DDX60: variants seen among roughly 807,000 people sequenced by gnomAD.
The protein encoded by DDX60 is DExD/H-box helicase 60, also known as probable ATP-dependent RNA helicase DDX60.
In DDX60, 165 loss-of-function variants were observed where a neutral mutation model predicts 212.8. That is an observed-to-expected ratio of 0.78 (90% CI 0.68 to 0.88). DDX60 has a LOEUF of 0.88. Among genes scored for constraint, DDX60 ranks in the 40% least tolerant of loss-of-function variants. DDX60 has a pLI of 0.00. For missense variants in DDX60, 1,905 were observed against 2,003.9 expected (o/e 0.95, Z 0.94); for synonymous variants, 703 against 685.3 (o/e 1.03, Z -0.40).
intron 17 of DDX60, 60 bp from the exon 18 acceptor site, chr4:168,273,458 GACA>G (rs1006954900): frequency 1.3e-6 from 2 of 1,599,312 alleles, no homozygotes; most frequent in African/African-American, 2.7e-5. Context: ...AATATCAGAG[GACA>G]ACAAGAACTG....
At chr4:168,315,110 T>C (rs949486847) in intron 1 of DDX60, among the ~76,000 whole-genome samples, 8 of 152,200 alleles carry the variant, frequency 5.3e-5, no homozygotes, top group African/African-American at 1.9e-4. Context: ...GTATTTACCA[T>C]CTCTGAGTTT....
At chr4:168,265,722 C>T (rs1201543360) in intron 22 of DDX60, 1 of 151,766 alleles carries the variant, frequency 6.6e-6, no homozygotes, top group Non-Finnish European at 1.5e-5. Flanking sequence ...CCATCCTACA[C>T]AGAATAATTT....
At chr4:168,248,316 C>A in intron 28 of DDX60, 24 bp from the exon 29 acceptor site, 3 of 1,515,328 alleles carry the variant, frequency 2.0e-6, no homozygotes, top group Non-Finnish European at 2.7e-6. Flanking sequence ...AAAACAATTA[C>A]TTCATAAAAT....
At position 168,311,369 on chromosome 4, in the gene DDX60, CA is replaced by C. The variant is rs1345882829; in HGVS notation, c.-106-5del. 10 of 1,142,132 alleles carry C rather than the reference CA, an allele frequency of 8.8e-6. No homozygotes were observed. The highest frequency in any genetic ancestry group is 4.8e-5 in the East Asian group (2 of 41,472). 70.7% of individuals were successfully genotyped at this position (1,142,132 alleles called of 1,614,324 possible). ...GTTCTTAATGAAAATGGCAGTCCTG[CA>C]AAAAAAGAAAAGAAAATGAGTCTTT... is the stretch of plus-strand genomic sequence containing the variant. On this transcript the variant is annotated splice_region_variant and splice_polypyrimidine_tract_variant and intron_variant, in intron 1 of 37. Coordinates refer to ENST00000393743, the MANE Select transcript of DDX60 (RefSeq NM_017631.6).
chr4:168,250,247 A>C (rs888916129), intron 28 of DDX60, among the ~76,000 whole-genome samples: 1 of 152,138 alleles, frequency 6.6e-6, no homozygotes, highest in South Asian at 2.1e-4. Flanking sequence ...TCTCATGAAA[A>C]AGAGATAAAC....
At position 168,311,026 on chromosome 4, in the gene DDX60, A is replaced by T. The variant is rs776545517; in HGVS notation, c.46T>A (p.Leu16Ile). ...LTTFSQEMSQLILNEMPKAEY... is the reference protein window; with the variant it reads ...LTTFSQEMSQIILNEMPKAEY... ...GCTTTTGGCATTTCATTCAAAATTA[A>T]CTGGGACATTTCCTGTGAAAATGTT... Residue 16 changes from leucine (L) to isoleucine (I), a missense_variant, in exon 3 of 38, where the codon TTA becomes ATA. Leu to Ile is a conservative substitution (Grantham distance 5, BLOSUM62 2). Coordinates refer to ENST00000393743, the MANE Select transcript of DDX60 (RefSeq NM_017631.6). The T allele has an allele frequency of 2.3e-5, 36 of 1,580,646 alleles. No homozygotes were observed. The Middle Eastern group carries it at 1.8e-3, about 81-fold the overall frequency.
intron 22 of DDX60, chr4:168,265,458 C>A (rs1037123850): frequency 6.6e-6 from 1 of 152,152 alleles, no homozygotes; most frequent in East Asian, 1.9e-4. Context: ...AACGGACTTA[C>A]TAATACCTAA....
In DDX60 at chr4:168,288,192, C is replaced by T. The variant is rs1735941952; in HGVS notation, c.1165G>A (p.Glu389Lys). Reference protein sequence around the residue: ...LLLKNIAFYYENENVKGLHLN... With the variant: ...LLLKNIAFYYKNENVKGLHLN... ...ATGGTACCTTTTACATTTTCATTTT[C>T]ATAGTAAAAAGCAATATTCTTCAAC... Residue 389 changes from glutamate (E) to lysine (K), a missense_variant, in exon 9 of 38, where the codon GAA (glutamate) becomes AAA (lysine). Coordinates refer to ENST00000393743, the MANE Select transcript of DDX60 (RefSeq NM_017631.6). The T allele has an allele frequency of 6.7e-7, 1 of 1,486,388 alleles. No individual in the cohort carries two copies. Among genetic ancestry groups the T allele is most frequent in the Non-Finnish European group, 9.1e-7 (1 of 1,094,112 alleles). 92.1% of individuals were successfully genotyped at this position (1,486,388 alleles called of 1,614,324 possible).
chr4:168,258,689 T>C (rs1286200486), intron 25 of DDX60, among the ~76,000 whole-genome samples: 1 of 152,190 alleles, frequency 6.6e-6, no homozygotes, highest in African/African-American at 2.4e-5. Flanking sequence ...TTTTAAAATA[T>C]TTTAAGTATG....
intron 26 of DDX60, 60 bp downstream of exon 26, chr4:168,255,651 A>G: frequency 1.4e-6 from 2 of 1,386,334 alleles, no homozygotes; most frequent in Non-Finnish European, 1.9e-6. Context: ...TACGTTTCCT[A>G]CTAGGACTTG....
chr4:168,265,740 C>G (rs540610087), intron 22 of DDX60: 3 of 150,556 alleles, frequency 2.0e-5, no homozygotes, highest in African/African-American at 7.3e-5. Flanking sequence ...TTTTTAAAAA[C>G]TATACTGTTT....
chr4:168,312,944 C>T (rs1461104903), intron 1 of DDX60, among the ~76,000 whole-genome samples: 1 of 152,154 alleles, frequency 6.6e-6, no homozygotes, highest in African/African-American at 2.4e-5. Flanking sequence ...TAAGTATGGT[C>T]TCTCACTCAC....
Position 168,217,150 on chromosome 4 carries a change from A to C in DDX60, c.5040-118T>G, listed in dbSNP as rs1295817500. The stretch of plus-strand genomic sequence containing the variant: ...CATCAGATGATGAAATTATGTTAGC[A>C]AAATATGAGGAATAATGATAAGAAA... On this transcript the variant is annotated intron_variant, in intron 37 of 37. Coordinates refer to ENST00000393743, the MANE Select transcript of DDX60 (RefSeq NM_017631.6). The C allele has an allele frequency of 4.8e-6, 3 of 624,134 alleles. No homozygotes were observed. In the African/African-American group the frequency reaches 5.8e-5, roughly 12 times the overall value. The allele number at this position is 624,134 out of a possible 1,614,324, so 38.7% of individuals were successfully genotyped here. A position where few individuals can be genotyped will look rare whatever the true frequency, so the allele number is the denominator to read the frequency against.
intron 14 of DDX60, among the ~76,000 whole-genome samples, chr4:168,278,542 G>A (rs116940400): frequency 0.018 from 2,675 of 152,146 alleles, 123 homozygotes; most frequent in East Asian, 0.14. Context: ...ATACTGAAGC[G>A]GGCCGGGCTC....
At chr4:168,287,527 CAG>C (rs1411445623) in intron 9 of DDX60, among the ~76,000 whole-genome samples, 2 of 152,024 alleles carry the variant, frequency 1.3e-5, no homozygotes, top group African/African-American at 2.4e-5. Flanking sequence ...ACAAACAAAA[CAG>C]AATAAAAACT....
chr4:168,243,996 A>C lies in DDX60; in HGVS notation c.4164+2422T>G, dbSNP rs542880323. On this transcript the variant is annotated intron_variant, in intron 30 of 37. Transcript: ENST00000393743. ...GGAAGCCATCATCCTCAGAAAACAA[A>C]TGCAGAAACAGAAAACAAAACACCA... is the stretch of plus-strand genomic sequence containing the variant. 3.3e-5 allele frequency among the ~76,000 whole-genome samples: 5 copies of C among 152,314 alleles called. No individual in the cohort carries two copies. In the East Asian group the frequency reaches 9.6e-4, roughly 29 times the overall value.
chr4:168,251,374 G>C (rs978718457), intron 27 of DDX60, among the ~76,000 whole-genome samples: 2 of 152,224 alleles, frequency 1.3e-5, no homozygotes, highest in African/African-American at 4.8e-5. Context: ...ACACCAAGTG[G>C]TGGTGAGTGC....
chr4:168,252,653 A>G lies in DDX60; in HGVS notation c.3561T>C (p.Asp1187=). The change falls in exon 27 of 38, where the codon GAT becomes GAC. Residue 1187 remains aspartate, a synonymous_variant. Coordinates refer to ENST00000393743, the MANE Select transcript of DDX60 (RefSeq NM_017631.6). The stretch of plus-strand genomic sequence containing the variant: ...TTCTGGTTTTTTTCTGGCTCTTTTC[A>G]TCTCTGTTCATAAAAATAAAATTTT... ...KKSIEKQKII[D]EKSQKKTRNV... 2 of 1,589,818 alleles carry G rather than the reference A, an allele frequency of 1.3e-6. No homozygotes were observed. Among genetic ancestry groups the G allele is most frequent in the South Asian group, 2.3e-5 (2 of 85,476 alleles).
intron 1 of DDX60, among the ~76,000 whole-genome samples, chr4:168,312,681 T>C (rs993421180): frequency 4.5e-5 from 6 of 133,040 alleles, no homozygotes; most frequent in Admixed American, 1.5e-4. Context: ...TATGGATAGA[T>C]AGTAGATAGA....
Sources: allele counts gnomAD v4.1 joint callset (sites outside exome capture counted in the v4.1 genomes callset), GRCh38; gene constraint gnomAD v4.1.1; transcripts MANE v1.5; gene names NCBI Gene and HGNC (gene_info 2026-07-23, HGNC 2026-07-21).